The following CFAP299 variants were observed in gnomAD, a reference collection of about 807,000 sequenced individuals.
CFAP299 encodes the protein cilia- and flagella-associated protein 299.
In CFAP299, 21 loss-of-function variants were observed where a neutral mutation model predicts 27.0. That is an observed-to-expected ratio of 0.78 (90% CI 0.55 to 1.12). The LOEUF (loss-of-function observed/expected upper bound fraction) is 1.12. CFAP299 is among the 50% of genes most tolerant of loss of function. The pLI, the probability that CFAP299 is intolerant of heterozygous loss-of-function variation, is 0.00. For synonymous variants in CFAP299, 104 were observed against 98.1 expected, an observed-to-expected ratio of 1.06 and a Z score of -0.36; for missense variants, 310 against 276.6, an observed-to-expected ratio of 1.12 and a Z score of -0.86.
At chr4:80,722,456 A>T (rs1048769105) in intron 3 of CFAP299, among the ~76,000 whole-genome samples, 4 of 152,046 alleles carry the variant, frequency 2.6e-5, no homozygotes, top group African/African-American at 9.7e-5. Flanking sequence ...AAAACCTGAT[A>T]AATTGGACTT....
chr4:80,518,921 A>ATGTTTTG (rs1732751230), intron 2 of CFAP299, among the ~76,000 whole-genome samples: 1 of 152,194 alleles, frequency 6.6e-6, no homozygotes, highest in South Asian at 2.1e-4. Context: ...CACTGAAGAC[A>ATGTTTTG]TACAAATACA....
intron 3 of CFAP299, among the ~76,000 whole-genome samples, chr4:80,799,662 ATTTTAT>A (rs1728193016): frequency 5.6e-5 from 1 of 17,920 alleles, no homozygotes; most frequent in African/African-American, 2.8e-4. Flanking sequence ...TATATATTAT[ATTTTAT>A]AAATATATAT....
At chr4:80,530,718 C>T (rs1369617094) in intron 2 of CFAP299, among the ~76,000 whole-genome samples, 1 of 152,118 alleles carries the variant, frequency 6.6e-6, no homozygotes, top group Non-Finnish European at 1.5e-5. Context: ...TTCATAATGC[C>T]ATCAGGCAAA....
intron 4 of CFAP299, among the ~76,000 whole-genome samples, chr4:80,943,270 G>T (rs1430773960): frequency 6.6e-6 from 1 of 151,748 alleles, no homozygotes; most frequent in Non-Finnish European, 1.5e-5. Context: ...TCACTGATAC[G>T]CCCCCCTCCC....
chr4:80,951,972 T>C (rs929323956), intron 5 of CFAP299, among the ~76,000 whole-genome samples: 1 of 152,164 alleles, frequency 6.6e-6, no homozygotes, highest in Admixed American at 6.6e-5. Context: ...TTTTTTCTTC[T>C]TATTTGGATC....
In CFAP299 at chr4:80,963,633, T is replaced by C; in HGVS notation, c.*21T>C. On this transcript the variant is annotated 3_prime_UTR_variant, in exon 6 of 6. Coordinates refer to ENST00000358105, the MANE Select transcript of CFAP299 (RefSeq NM_152770.3). Reference sequence around the variant, plus strand: ...CTTAAGTACCAACATGTTAATTTCCTAATAATTTGCTAAATTTAAATAAAT... The same window carrying C: ...CTTAAGTACCAACATGTTAATTTCCCAATAATTTGCTAAATTTAAATAAAT... The C allele has an allele frequency of 6.7e-7, 1 of 1,485,756 alleles. No individual in the cohort carries two copies. The highest frequency in any genetic ancestry group is 1.7e-4 in the Middle Eastern group (1 of 5,754). The allele number at this position is 1,485,756 out of a possible 1,614,324, so 92.0% of individuals were successfully genotyped here.
At chr4:80,851,768 C>T (rs1334777390) in intron 3 of CFAP299, among the ~76,000 whole-genome samples, 1 of 152,116 alleles carries the variant, frequency 6.6e-6, no homozygotes, top group Admixed American at 6.6e-5. Flanking sequence ...CCTTCATCTT[C>T]TGTTAAGCTG....
chr4:80,768,274 G>A (rs1447166348), intron 3 of CFAP299, among the ~76,000 whole-genome samples: 2 of 152,066 alleles, frequency 1.3e-5, no homozygotes, highest in East Asian at 3.9e-4. Context: ...GAATTAGGAT[G>A]GTGACAACTA....
chr4:80,915,878 G>A (rs1235512404), intron 4 of CFAP299, among the ~76,000 whole-genome samples: 1 of 151,646 alleles, frequency 6.6e-6, no homozygotes, highest in Non-Finnish European at 1.5e-5. Context: ...AAATTTTTTA[G>A]CATATTTATC....
At chr4:80,601,588 ATTG>A (rs1390575265) in intron 3 of CFAP299, among the ~76,000 whole-genome samples, 1 of 152,222 alleles carries the variant, frequency 6.6e-6, no homozygotes, top group East Asian at 1.9e-4. Flanking sequence ...TGGGCTTGCC[ATTG>A]TTGTATTTTT....
At position 80,478,598 on chromosome 4, in the gene CFAP299, A is replaced by T. The variant is rs531673149; in HGVS notation, c.243-104495A>T. On this transcript the variant is annotated intron_variant, in intron 2 of 5. Transcript: ENST00000358105. The stretch of plus-strand genomic sequence containing the variant: ...TCAAAATCAAAAAGGGCCTGACATA[A>T]TTTTTCAGTTCTAATAAATATGTAT... Among the ~76,000 whole-genome samples, 39 of 152,148 alleles carry T rather than the reference A, an allele frequency of 2.6e-4. No homozygotes were observed. The South Asian group carries it at 3.1e-3, about 12-fold the overall frequency.
At chr4:80,757,032 C>G (rs1019193261) in intron 3 of CFAP299, among the ~76,000 whole-genome samples, 1 of 151,996 alleles carries the variant, frequency 6.6e-6, no homozygotes, top group Non-Finnish European at 1.5e-5. Flanking sequence ...GGATTTTAAC[C>G]ATTTCATGTG....
At chr4:80,903,079 A>G (rs1051698573) in intron 4 of CFAP299, among the ~76,000 whole-genome samples, 1 of 152,080 alleles carries the variant, frequency 6.6e-6, no homozygotes, top group Non-Finnish European at 1.5e-5. Context: ...ACTGGCAAAG[A>G]CCTAGATCTT....
rs554398012 is a variant in CFAP299 at position 80,888,226 on chromosome 4, C to T, written c.476+18091C>T. On this transcript the variant is annotated intron_variant, in intron 4 of 5. Transcript: ENST00000358105. ...GGTGAAAAAACAAGGGTCAACGATCCGCTGCCTACAAGAAACACACTTCAC... is the reference window on the plus strand; with the variant it reads ...GGTGAAAAAACAAGGGTCAACGATCTGCTGCCTACAAGAAACACACTTCAC... Among the ~76,000 whole-genome samples, 6 of 151,730 alleles carry T rather than the reference C, an allele frequency of 4.0e-5. No individual in the cohort carries two copies. In the East Asian group the frequency reaches 7.7e-4, roughly 19 times the overall value.
chr4:80,708,886 T>G (rs1721975569), intron 3 of CFAP299, among the ~76,000 whole-genome samples: 2 of 152,148 alleles, frequency 1.3e-5, no homozygotes, highest in Admixed American at 1.3e-4. Context: ...TAAGCATTGT[T>G]TACAAATGTA....
intron 3 of CFAP299, among the ~76,000 whole-genome samples, chr4:80,616,126 T>C (rs1738259811): frequency 2.0e-5 from 3 of 152,152 alleles, no homozygotes; most frequent in Admixed American, 1.3e-4. Flanking sequence ...ACAGGCTGTT[T>C]CCATGTAAGT....
At chr4:80,784,050 G>C (rs138063814) in intron 3 of CFAP299, among the ~76,000 whole-genome samples, 3 of 152,212 alleles carry the variant, frequency 2.0e-5, no homozygotes, top group African/African-American at 7.2e-5. Flanking sequence ...GTTCGTCCCT[G>C]TTGGGGCAAA....
intron 3 of CFAP299, among the ~76,000 whole-genome samples, chr4:80,763,702 A>G (rs1725673922): frequency 6.6e-6 from 1 of 152,216 alleles, no homozygotes; most frequent in African/African-American, 2.4e-5. Context: ...CTGACTTCAA[A>G]CTATACTATA....
intron 2 of CFAP299, among the ~76,000 whole-genome samples, chr4:80,562,897 T>C (rs1244668365): frequency 1.3e-5 from 2 of 152,030 alleles, no homozygotes; most frequent in African/African-American, 4.8e-5. Context: ...GGAGTCACTA[T>C]ACTTATATCA....
Sources: allele counts gnomAD v4.1 joint callset (sites outside exome capture counted in the v4.1 genomes callset), GRCh38; gene constraint gnomAD v4.1.1; transcripts MANE v1.5; gene names NCBI Gene and HGNC (gene_info 2026-07-23, HGNC 2026-07-21).